The following CNTN4 variants were observed in gnomAD, a reference collection of about 807,000 sequenced individuals.
CNTN4 encodes contactin-4.
Under a neutral mutation model 122.5 loss-of-function variants are expected in CNTN4, and 77 were observed. The observed-to-expected ratio is 0.63, with a 90% confidence interval of 0.52 to 0.76. CNTN4 has a LOEUF of 0.76. CNTN4 is among the 30% of genes least tolerant of loss of function. CNTN4 has a pLI of 0.00. For synonymous variants in CNTN4, 512 were observed against 447.0 expected (o/e 1.15, Z -1.83); for missense variants, 1,256 against 1,259.1 (o/e 1.00, Z 0.04).
At chr3:2,490,709 TTTATC>T (rs1435040833) in intron 3 of CNTN4, among the ~76,000 whole-genome samples, 1 of 152,176 alleles carries the variant, frequency 6.6e-6, no homozygotes, top group Non-Finnish European at 1.5e-5. Context: ...TATTATTAAA[TTTATC>T]TTATAGGAAA....
At chr3:2,691,371 G>C (rs1251289643) in intron 4 of CNTN4, among the ~76,000 whole-genome samples, 6 of 152,112 alleles carry the variant, frequency 3.9e-5, no homozygotes, top group African/African-American at 1.4e-4. Flanking sequence ...AATATATGAT[G>C]GTTGTGGTGG....
At chr3:2,496,651 AAG>A (rs1277354603) in intron 3 of CNTN4, among the ~76,000 whole-genome samples, 1 of 152,162 alleles carries the variant, frequency 6.6e-6, no homozygotes, top group Non-Finnish European at 1.5e-5. Context: ...TTTCAGAAAA[AAG>A]AATAGAAGAA....
intron 7 of CNTN4, among the ~76,000 whole-genome samples, chr3:2,822,778 T>A (rs956337973): frequency 2.6e-5 from 4 of 152,166 alleles, no homozygotes; most frequent in Non-Finnish European, 5.9e-5. Flanking sequence ...AGATTAAAAA[T>A]TTCCATAGAC....
intron 5 of CNTN4, among the ~76,000 whole-genome samples, chr3:2,741,171 C>A (rs1377157474): frequency 6.6e-6 from 1 of 152,210 alleles, no homozygotes; most frequent in Non-Finnish European, 1.5e-5. Context: ...ATCAACTCTA[C>A]AACATGCTTA....
At chr3:2,682,069 C>G (rs2085193816) in intron 4 of CNTN4, among the ~76,000 whole-genome samples, 1 of 152,162 alleles carries the variant, frequency 6.6e-6, no homozygotes, top group African/African-American at 2.4e-5. Context: ...TATCCATTCA[C>G]AGATATTTAT....
intron 23 of CNTN4, among the ~76,000 whole-genome samples, chr3:3,044,319 AG>A (rs1215181036): frequency 3.9e-5 from 6 of 152,192 alleles, no homozygotes; most frequent in Non-Finnish European, 8.8e-5. Flanking sequence ...ACCTGAAGCT[AG>A]GGGCTAAAAC....
rs1425478819 is a variant in CNTN4, at chr3:2,696,280, CTATGA to C, written c.56-39934_56-39930del. On this transcript the variant is annotated intron_variant, in intron 4 of 24. Transcript: ENST00000418658. ...GTAATACATATCATTAAAGGCATTG[CTATGA>C]GTTGAATGTGTGTTCCCTCCAAAGT... is the stretch of plus-strand genomic sequence containing the variant. Among the ~76,000 whole-genome samples, 5 of 152,324 alleles carry C rather than the reference CTATGA, an allele frequency of 3.3e-5. No homozygotes were observed. The South Asian group carries it at 1.0e-3, about 32-fold the overall frequency.
chr3:2,591,426 G>T lies in CNTN4; in HGVS notation c.55+19868G>T, dbSNP rs1176611125. Among the ~76,000 whole-genome samples the T allele has an allele frequency of 4.6e-5, 2 of 43,412 alleles. 1 individual carries two copies. The highest frequency in any genetic ancestry group is 1.1e-4 in the Non-Finnish European group (2 of 19,024). 28.5% of individuals were successfully genotyped at this position (43,412 alleles called of 152,430 possible). ...GTCGCCCAGGCTGGAGTGCAGTGGC[G>T]GGATCTCGGCTCACTGCAAGCTCCG... On this transcript the variant is annotated intron_variant, in intron 4 of 24. Coordinates refer to ENST00000418658, the MANE Select transcript of CNTN4 (RefSeq NM_175607.3).
intron 13 of CNTN4, among the ~76,000 whole-genome samples, chr3:2,944,078 A>G (rs1057357137): frequency 1.3e-5 from 2 of 152,076 alleles, no homozygotes; most frequent in African/African-American, 4.8e-5. Context: ...CAGTAGCTCT[A>G]ATAACCTTTA....
chr3:2,232,977 C>T (rs1262009434), intron 2 of CNTN4, among the ~76,000 whole-genome samples: 2 of 152,146 alleles, frequency 1.3e-5, no homozygotes, highest in East Asian at 1.9e-4. Context: ...TCCCTATTCT[C>T]TTCTCTGAAA....
At chr3:2,431,654 G>T (rs1008152341) in intron 3 of CNTN4, among the ~76,000 whole-genome samples, 1 of 152,160 alleles carries the variant, frequency 6.6e-6, no homozygotes, top group Non-Finnish European at 1.5e-5. Flanking sequence ...TGCCGCTGAG[G>T]ACACAGTAGA....
At chr3:2,248,033 A>G (rs2040223693) in intron 2 of CNTN4, among the ~76,000 whole-genome samples, 1 of 151,754 alleles carries the variant, frequency 6.6e-6, no homozygotes, top group Non-Finnish European at 1.5e-5. Flanking sequence ...CTGACATGTG[A>G]TATATGTATT....
intron 2 of CNTN4, among the ~76,000 whole-genome samples, chr3:2,280,829 T>C (rs954797428): frequency 3.3e-4 from 50 of 152,144 alleles, no homozygotes; most frequent in African/African-American, 1.2e-3. Context: ...CTGACAGAAG[T>C]TGGAAACATT....
chr3:2,586,400 C>A (rs1401264112), intron 4 of CNTN4, among the ~76,000 whole-genome samples: 2 of 152,204 alleles, frequency 1.3e-5, no homozygotes, highest in East Asian at 3.8e-4. Context: ...TCAAGCGATT[C>A]TCCTGCCTCA....
chr3:2,386,735 AATT>A (rs2046270367), intron 3 of CNTN4, among the ~76,000 whole-genome samples: 3 of 152,228 alleles, frequency 2.0e-5, no homozygotes, highest in Admixed American at 1.3e-4. Context: ...CATTTCAACG[AATT>A]ATTAAGTATT....
At chr3:2,372,175 A>G (rs13064317) in intron 3 of CNTN4, among the ~76,000 whole-genome samples, 8,456 of 152,284 alleles carry the variant, frequency 0.056, 269 homozygotes, top group Middle Eastern at 0.065. Context: ...GGTAATGACA[A>G]GCACTTGCAG....
chr3:2,176,315 T>C (rs1336317891), intron 2 of CNTN4, among the ~76,000 whole-genome samples: 3 of 152,190 alleles, frequency 2.0e-5, no homozygotes, highest in African/African-American at 7.2e-5. Flanking sequence ...GGGTCTAATA[T>C]GTACTTATTA....
At chr3:2,921,695 C>T (rs575773956) in intron 12 of CNTN4, among the ~76,000 whole-genome samples, 1 of 152,122 alleles carries the variant, frequency 6.6e-6, no homozygotes, top group Non-Finnish European at 1.5e-5. Context: ...CACAATAATC[C>T]TTTCTTCTTC....
intron 4 of CNTN4, among the ~76,000 whole-genome samples, chr3:2,721,878 T>C (rs1271209545): frequency 6.6e-6 from 1 of 152,178 alleles, no homozygotes; most frequent in African/African-American, 2.4e-5. Context: ...GATTAAGTCA[T>C]GAGGGCAGAG....
Sources: gnomAD v4.1 joint callset for allele counts (sites outside exome capture counted in the v4.1 genomes callset) on GRCh38, gnomAD v4.1.1 for gene constraint, MANE v1.5 for transcripts, NCBI Gene and HGNC (gene_info 2026-07-23, HGNC 2026-07-21) for gene names.